The following ZFHX3 variants were observed in gnomAD, a reference collection of about 807,000 sequenced individuals.
The protein encoded by ZFHX3 is zinc finger homeobox 3.
ZFHX3 carries 42 observed loss-of-function variants against 279.1 expected under a neutral mutation model. The ratio of observed to expected loss-of-function variants is 0.15; its 90% CI spans 0.12 to 0.19. ZFHX3 has a LOEUF of 0.19. Among genes scored for constraint, ZFHX3 ranks in the 10% least tolerant of loss-of-function variants. ZFHX3 has a pLI of 1.00. For synonymous variants in ZFHX3, 2,293 were observed against 1,957.8 expected, an observed-to-expected ratio of 1.17 and a Z score of -4.52; for missense variants, 4,981 against 4,754.0, an observed-to-expected ratio of 1.05 and a Z score of -1.40.
intron 5 of ZFHX3, among the ~76,000 whole-genome samples, chr16:73,196,255 C>T (rs1301000762): frequency 1.3e-5 from 2 of 151,300 alleles, no homozygotes; most frequent in South Asian, 4.2e-4. Context: ...AGAAGCTCTA[C>T]CCCGAATGGG....
chr16:73,457,317 T>C (rs62044970), intron 2 of ZFHX3, among the ~76,000 whole-genome samples: 3,395 of 152,274 alleles, frequency 0.022, 57 homozygotes, highest in Middle Eastern at 0.041. Flanking sequence ...TGAGGTCTGG[T>C]CTTTCAGGGA....
At chr16:73,250,664 G>T (rs958815797) in intron 5 of ZFHX3, among the ~76,000 whole-genome samples, 1 of 152,014 alleles carries the variant, frequency 6.6e-6, no homozygotes, top group African/African-American at 2.4e-5. Flanking sequence ...CTCTCAAGTA[G>T]TTGGGACTAC....
intron 4 of ZFHX3, among the ~76,000 whole-genome samples, chr16:73,270,808 G>T (rs764626281): frequency 6.6e-6 from 1 of 152,166 alleles, no homozygotes; most frequent in Non-Finnish European, 1.5e-5. Context: ...GGCCTCAATT[G>T]CATGGTACCC....
intron 3 of ZFHX3, among the ~76,000 whole-genome samples, chr16:72,942,392 C>T (rs1960453515): frequency 6.6e-6 from 1 of 152,168 alleles, no homozygotes; most frequent in South Asian, 2.1e-4. Flanking sequence ...GCGAAGAATT[C>T]CACGGTGTGA....
intron 2 of ZFHX3, among the ~76,000 whole-genome samples, chr16:73,669,764 T>C (rs1267806789): frequency 6.6e-6 from 1 of 152,252 alleles, no homozygotes; most frequent in Non-Finnish European, 1.5e-5. Context: ...GTCTCTCAGA[T>C]GCCAGCTCAG....
At chr16:73,722,286 T>A (rs561600338) in intron 1 of ZFHX3, among the ~76,000 whole-genome samples, 1 of 152,286 alleles carries the variant, frequency 6.6e-6, no homozygotes, top group East Asian at 1.9e-4. Flanking sequence ...CTCGATTGGT[T>A]GATGATGCCT....
At chr16:72,907,688 T>G (rs2039217391) in intron 3 of ZFHX3, among the ~76,000 whole-genome samples, 1 of 151,266 alleles carries the variant, frequency 6.6e-6, no homozygotes, top group African/African-American at 2.4e-5. Flanking sequence ...TTCCTTTTTT[T>G]TTTTTTTGAT....
chr16:73,741,210 A>G (rs149101145), intron 1 of ZFHX3, among the ~76,000 whole-genome samples: 40 of 152,132 alleles, frequency 2.6e-4, no homozygotes, highest in African/African-American at 9.4e-4. Flanking sequence ...TTTGTAAAAA[A>G]TGGGCCACCT....
chr16:73,154,252 A>T (rs1967018324), intron 5 of ZFHX3, among the ~76,000 whole-genome samples: 1 of 152,194 alleles, frequency 6.6e-6, no homozygotes, highest in Admixed American at 6.5e-5. Context: ...TCTTCGGTCA[A>T]TGCACAGATC....
intron 2 of ZFHX3, among the ~76,000 whole-genome samples, chr16:73,473,197 C>T (rs574347438): frequency 8.6e-5 from 13 of 151,450 alleles, no homozygotes; most frequent in South Asian, 2.1e-4. Flanking sequence ...AAAAATTAGG[C>T]GTGATGGTGT....
chr16:73,709,716 T>C, intron 1 of ZFHX3, among the ~76,000 whole-genome samples: 1 of 152,064 alleles, frequency 6.6e-6, no homozygotes, highest in East Asian at 1.9e-4. Flanking sequence ...ATGATGACTA[T>C]AGACAGTAAC....
At chr16:73,168,758 A>C (rs556369907) in intron 5 of ZFHX3, among the ~76,000 whole-genome samples, 7 of 152,230 alleles carry the variant, frequency 4.6e-5, no homozygotes, top group Admixed American at 1.3e-4. Context: ...CACTCTGTGC[A>C]CCATCTCAGG....
intron 2 of ZFHX3, among the ~76,000 whole-genome samples, chr16:73,501,656 CA>C (rs905426934): frequency 3.7e-4 from 56 of 152,334 alleles, no homozygotes; most frequent in African/African-American, 1.3e-3. Context: ...GAAGACACCA[CA>C]ACATTTATTG....
At chr16:73,348,967 A>G (rs1047087721) in intron 3 of ZFHX3, among the ~76,000 whole-genome samples, 3 of 152,244 alleles carry the variant, frequency 2.0e-5, no homozygotes, top group African/African-American at 7.2e-5. Context: ...ATATACTTTT[A>G]AAAGAATTTG....
intron 5 of ZFHX3, among the ~76,000 whole-genome samples, chr16:73,188,008 C>G (rs1052366498): frequency 7.2e-5 from 11 of 152,066 alleles, no homozygotes; most frequent in Non-Finnish European, 1.6e-4. Context: ...ACTACAGGCG[C>G]CTGCCACCAC....
chr16:73,273,090 GCACA>G (rs1371424994), intron 4 of ZFHX3, among the ~76,000 whole-genome samples: 11 of 152,054 alleles, frequency 7.2e-5, no homozygotes, highest in Non-Finnish European at 1.2e-4. Flanking sequence ...ACTAGACAGG[GCACA>G]ATGCTTCTAT....
chr16:72,879,943 G>A (rs2038418880), intron 4 of ZFHX3, among the ~76,000 whole-genome samples: 1 of 152,148 alleles, frequency 6.6e-6, no homozygotes, highest in Admixed American at 6.5e-5. Context: ...AAAGAGTCAT[G>A]GTAAAATGGG....
At chr16:73,564,281 C>A (rs2020418781) in intron 2 of ZFHX3, among the ~76,000 whole-genome samples, 1 of 152,162 alleles carries the variant, frequency 6.6e-6, no homozygotes, top group South Asian at 2.1e-4. Context: ...GTGCCCTGGG[C>A]CAAGGGTTTG....
intron 3 of ZFHX3, among the ~76,000 whole-genome samples, chr16:72,925,607 C>A (rs561637814): frequency 2.0e-5 from 3 of 152,224 alleles, no homozygotes; most frequent in South Asian, 2.1e-4. Flanking sequence ...AACCCCGTCC[C>A]GTGTCTTTCC....
Sources: gnomAD v4.1 joint callset for allele counts (sites outside exome capture counted in the v4.1 genomes callset) on GRCh38, gnomAD v4.1.1 for gene constraint, MANE v1.5 for transcripts, NCBI Gene and HGNC (gene_info 2026-07-23, HGNC 2026-07-21) for gene names.